NEDD4L: variants seen among roughly 807,000 people sequenced by gnomAD.
NEDD4L encodes E3 ubiquitin-protein ligase NEDD4-like.
In NEDD4L, 54 loss-of-function variants were observed where a neutral mutation model predicts 148.9. That is an observed-to-expected ratio of 0.36 (90% confidence interval 0.29 to 0.45). NEDD4L has a LOEUF of 0.45. Among genes scored for constraint, NEDD4L ranks in the 20% least tolerant of loss-of-function variants. The pLI, the probability that NEDD4L is intolerant of heterozygous loss-of-function variation, is 1.00. For missense variants in NEDD4L, 856 were observed against 1,233.8 expected (o/e 0.69, Z 4.59); for synonymous variants, 433 against 440.7 (o/e 0.98, Z 0.22).
At chr18:58,290,975 C>T (rs1480323177) in intron 5 of NEDD4L, among the ~76,000 whole-genome samples, 1 of 152,170 alleles carries the variant, frequency 6.6e-6, no homozygotes, top group African/African-American at 2.4e-5. Context: ...GGCAGGCATT[C>T]GGATCCACAG....
intron 2 of NEDD4L, among the ~76,000 whole-genome samples, chr18:58,216,983 A>C (rs145225378): frequency 3.5e-4 from 54 of 152,296 alleles, no homozygotes; most frequent in African/African-American, 1.3e-3. Context: ...TGAGGATACA[A>C]ATCTTGGGGT....
At chr18:58,167,689 A>G (rs2037036829) in intron 2 of NEDD4L, among the ~76,000 whole-genome samples, 1 of 152,060 alleles carries the variant, frequency 6.6e-6, no homozygotes, top group Admixed American at 6.6e-5. Context: ...TCTTTCTCCT[A>G]CTACTTAACA....
chr18:58,072,872 G>GCGCACACACACACA (rs1555682058), intron 1 of NEDD4L, among the ~76,000 whole-genome samples: 1 of 131,558 alleles, frequency 7.6e-6, no homozygotes, highest in African/African-American at 3.2e-5. Context: ...GCGCGCGCGC[G>GCGCACACACACACA]CACACACACA....
chr18:58,057,200 A>G (rs1279352770), intron 1 of NEDD4L, among the ~76,000 whole-genome samples: 1 of 151,600 alleles, frequency 6.6e-6, no homozygotes, highest in South Asian at 2.1e-4. Flanking sequence ...TGACCCGAAT[A>G]TGCAGCTAAG....
intron 1 of NEDD4L, among the ~76,000 whole-genome samples, chr18:58,130,502 G>A (rs1568259532): frequency 7.2e-6 from 1 of 138,628 alleles, no homozygotes; most frequent in Admixed American, 7.0e-5. Flanking sequence ...GTTGGGGTTT[G>A]GTTGTGATCT....
chr18:58,107,378 G>A (rs1482569192), intron 1 of NEDD4L, among the ~76,000 whole-genome samples: 2 of 152,154 alleles, frequency 1.3e-5, no homozygotes, highest in Non-Finnish European at 2.9e-5. Context: ...GAATTTGGAA[G>A]GATTAGAACT....
intron 1 of NEDD4L, among the ~76,000 whole-genome samples, chr18:58,131,836 GC>G (rs1568262076): frequency 6.6e-6 from 1 of 152,160 alleles, no homozygotes; most frequent in Non-Finnish European, 1.5e-5. Context: ...TTGGAATCTT[GC>G]GTTGCTGTAT....
chr18:58,273,806 C>T (rs781019466), intron 5 of NEDD4L, among the ~76,000 whole-genome samples: 7 of 152,184 alleles, frequency 4.6e-5, no homozygotes, highest in Non-Finnish European at 7.3e-5. Flanking sequence ...ACCTTCGGCG[C>T]GGATTTTAAG....
chr18:58,322,548 G>A (rs1376865767), intron 7 of NEDD4L, 62 bp downstream of exon 7: 3 of 1,127,216 alleles, frequency 2.7e-6, no homozygotes, highest in Non-Finnish European at 2.6e-6. Context: ...GTATAGGTGG[G>A]GATGCCTGCC....
In NEDD4L at chr18:58,151,018, A is replaced by C. The variant is rs559589741; in HGVS notation, c.49-14770A>C. ...CTCAACCAGGCAGAGATTGGGATCTAACCTACTTTTAAAAGCCCTCTACAG... is the reference window on the plus strand; with the variant it reads ...CTCAACCAGGCAGAGATTGGGATCTCACCTACTTTTAAAAGCCCTCTACAG... On this transcript the variant is annotated intron_variant, in intron 1 of 30. Coordinates refer to ENST00000400345, the MANE Select transcript of NEDD4L (RefSeq NM_001144967.3). Among the ~76,000 whole-genome samples, 6 of 152,346 alleles carry C rather than the reference A, an allele frequency of 3.9e-5. No individual in the cohort carries two copies. The South Asian group carries it at 1.0e-3, about 26-fold the overall frequency.
chr18:58,327,050 A>G (rs184768550), intron 9 of NEDD4L, among the ~76,000 whole-genome samples: 2 of 152,220 alleles, frequency 1.3e-5, no homozygotes, highest in Non-Finnish European at 2.9e-5. Flanking sequence ...AAACTAAAAC[A>G]AAAGGTATAA....
chr18:58,276,390 G>A (rs993757406), intron 5 of NEDD4L, among the ~76,000 whole-genome samples: 9 of 151,854 alleles, frequency 5.9e-5, no homozygotes, highest in African/African-American at 2.2e-4. Context: ...TGTATTTTTG[G>A]TAGAGATGAG....
intron 1 of NEDD4L, 112 bp downstream of exon 1, chr18:58,044,820 G>C (rs545188089): frequency 1.9e-5 from 26 of 1,384,284 alleles, no homozygotes; most frequent in Non-Finnish European, 2.4e-5. Flanking sequence ...CGTCTGCAGG[G>C]GAGCCCCAAA....
chr18:58,210,620 G>A (rs1249843135), intron 2 of NEDD4L, among the ~76,000 whole-genome samples: 1 of 152,066 alleles, frequency 6.6e-6, no homozygotes, highest in Admixed American at 6.5e-5. Context: ...GGCTAATTTT[G>A]TATTTTTAGT....
In NEDD4L at chr18:58,354,089, ATTCCTTTGT is replaced by A. The variant is rs2044273847; in HGVS notation, c.1708+3047_1708+3055del. On this transcript the variant is annotated intron_variant, in intron 18 of 30. Coordinates refer to ENST00000400345, the MANE Select transcript of NEDD4L (RefSeq NM_001144967.3). ...GAGACTAACCTCTTTAGACTCCTCG[ATTCCTTTGT>A]TTGCTGTCTATGGAATGGCTCCTGG... Among the ~76,000 whole-genome samples, 6 of 152,352 alleles carry A rather than the reference ATTCCTTTGT, an allele frequency of 3.9e-5. No homozygotes were observed. In the South Asian group the frequency reaches 1.2e-3, roughly 32 times the overall value.
chr18:58,286,877 A>G (rs2053980953), intron 5 of NEDD4L, among the ~76,000 whole-genome samples: 1 of 152,196 alleles, frequency 6.6e-6, no homozygotes, highest in Non-Finnish European at 1.5e-5. Flanking sequence ...GGAAATTTTC[A>G]TGATTTGAGA....
chr18:58,058,938 C>G (rs1198878327), intron 1 of NEDD4L, among the ~76,000 whole-genome samples: 2 of 152,208 alleles, frequency 1.3e-5, no homozygotes, highest in Non-Finnish European at 2.9e-5. Flanking sequence ...GTCCCAAGCA[C>G]CGAATCAGAC....
chr18:58,054,726 T>G (rs998382135), intron 1 of NEDD4L: 17 of 152,328 alleles, frequency 1.1e-4, no homozygotes, highest in African/African-American at 4.1e-4. Context: ...GTAACTTGGT[T>G]TTTAAGCTTC....
rs535191931 is a variant in NEDD4L at position 58,084,010 on chromosome 18, C to T, written c.48+39302C>T. 1.8e-4 allele frequency among the ~76,000 whole-genome samples: 27 copies of T among 152,280 alleles called. No individual in the cohort carries two copies. In the South Asian group the frequency reaches 4.4e-3, roughly 25 times the overall value. ...CCCCTCAAAGTGCTGGGATTACAGG[C>T]GTGAGCCAGTGCGCCCGGCCCAAAG... On this transcript the variant is annotated intron_variant, in intron 1 of 30. Transcript: ENST00000400345.
Sources: allele counts gnomAD v4.1 joint callset (sites outside exome capture counted in the v4.1 genomes callset), GRCh38; gene constraint gnomAD v4.1.1; transcripts MANE v1.5; gene names NCBI Gene and HGNC (gene_info 2026-07-23, HGNC 2026-07-21).